PLCB1: variants seen among roughly 807,000 people sequenced by gnomAD.
The protein encoded by PLCB1 is phospholipase C beta 1, also known as 1-phosphatidylinositol 4,5-bisphosphate phosphodiesterase beta-1.
PLCB1 carries 46 observed loss-of-function variants against 161.8 expected under a neutral mutation model. That is an observed-to-expected ratio of 0.28 (90% CI 0.22 to 0.36). The LOEUF (loss-of-function observed/expected upper bound fraction) is 0.36, where lower values mean the gene tolerates loss of function less well. Ranked by LOEUF, PLCB1 falls within the 10% of genes least tolerant of loss-of-function variation. PLCB1 has a pLI of 1.00. For missense variants in PLCB1, 1,016 were observed against 1,472.5 expected, an observed-to-expected ratio of 0.69 and a Z score of 5.07; for synonymous variants, 517 against 503.7, an observed-to-expected ratio of 1.03 and a Z score of -0.35.
intron 9 of PLCB1, among the ~76,000 whole-genome samples, chr20:8,667,158 A>G: frequency 6.6e-6 from 1 of 152,234 alleles, no homozygotes; most frequent in East Asian, 1.9e-4. Context: ...AAAACAGAGG[A>G]AAACTATATG....
chr20:8,180,420 T>C (rs190173205), intron 2 of PLCB1, among the ~76,000 whole-genome samples: 1 of 152,334 alleles, frequency 6.6e-6, no homozygotes, highest in East Asian at 1.9e-4. Context: ...TTTTCCTTTT[T>C]TATTGTGTGT....
At chr20:8,213,520 C>T (rs1003632830) in intron 2 of PLCB1, among the ~76,000 whole-genome samples, 1 of 152,068 alleles carries the variant, frequency 6.6e-6, no homozygotes, top group Non-Finnish European at 1.5e-5. Flanking sequence ...AGTTATAAGG[C>T]CCAGTGGCTG....
intron 31 of PLCB1, among the ~76,000 whole-genome samples, chr20:8,801,388 A>G (rs1446037464): frequency 1.3e-5 from 2 of 152,052 alleles, no homozygotes; most frequent in African/African-American, 4.8e-5. Flanking sequence ...TCTGTTTTTC[A>G]TAGCATTTGT....
chr20:8,515,315 G>A (rs887974412), intron 3 of PLCB1, among the ~76,000 whole-genome samples: 2 of 152,152 alleles, frequency 1.3e-5, no homozygotes, highest in East Asian at 3.8e-4. Flanking sequence ...TTAGCATGAA[G>A]ACACCATTAC....
intron 3 of PLCB1, among the ~76,000 whole-genome samples, chr20:8,508,809 A>T (rs1983753783): frequency 3.9e-5 from 6 of 152,084 alleles, no homozygotes; most frequent in Admixed American, 3.9e-4. Context: ...TATATGAATT[A>T]TATTTTACTA....
At chr20:8,690,275 T>A (rs1990446746) in intron 10 of PLCB1, among the ~76,000 whole-genome samples, 1 of 151,666 alleles carries the variant, frequency 6.6e-6, no homozygotes, top group Admixed American at 6.6e-5. Context: ...GCCAATACAC[T>A]GAGAACAGCA....
At chr20:8,716,666 C>A (rs1279707614) in intron 13 of PLCB1, among the ~76,000 whole-genome samples, 1 of 152,156 alleles carries the variant, frequency 6.6e-6, no homozygotes, top group African/African-American at 2.4e-5. Flanking sequence ...TCCCAGGGAA[C>A]CTCGTCACAC....
At chr20:8,377,328 C>T (rs1987120227) in intron 3 of PLCB1, among the ~76,000 whole-genome samples, 1 of 152,108 alleles carries the variant, frequency 6.6e-6, no homozygotes, top group South Asian at 2.1e-4. Context: ...AAGCATATTT[C>T]AGGAATAGAG....
At chr20:8,822,503 A>G (rs1048100762) in intron 31 of PLCB1, among the ~76,000 whole-genome samples, 2 of 152,142 alleles carry the variant, frequency 1.3e-5, no homozygotes, top group Non-Finnish European at 2.9e-5. Flanking sequence ...GATTCTGGGC[A>G]TTTTTCTTCA....
chr20:8,184,363 A>G (rs541979576), intron 2 of PLCB1, among the ~76,000 whole-genome samples: 11 of 152,214 alleles, frequency 7.2e-5, no homozygotes, highest in Admixed American at 1.3e-4. Context: ...TCTAAAGTTC[A>G]TAAGAAATGA....
At chr20:8,718,391 C>T (rs766123320) in intron 14 of PLCB1, among the ~76,000 whole-genome samples, 1 of 152,170 alleles carries the variant, frequency 6.6e-6, no homozygotes, top group Non-Finnish European at 1.5e-5. Flanking sequence ...CTGGGTTTCA[C>T]TGGGCTACAC....
chr20:8,611,237 C>T (rs1274686159), intron 3 of PLCB1, among the ~76,000 whole-genome samples: 1 of 151,938 alleles, frequency 6.6e-6, no homozygotes. Flanking sequence ...GTTTTGAAGG[C>T]TAAGAAAACA....
At chr20:8,697,476 C>A in intron 10 of PLCB1, 150 bp from the exon 11 acceptor site, 1 of 720,554 alleles carries the variant, frequency 1.4e-6, no homozygotes, top group Non-Finnish European at 2.4e-6. Flanking sequence ...CCATTACCTT[C>A]TGGTATGTTG....
rs1847806843 is a variant in PLCB1, at chr20:8,178,816, T to C, written c.177+28445T>C. Among the ~76,000 whole-genome samples the C allele has an allele frequency of 2.0e-5, 3 of 152,214 alleles. No individual in the cohort carries two copies. The South Asian group carries it at 6.2e-4, about 32-fold the overall frequency. On this transcript the variant is annotated intron_variant, in intron 2 of 31. Coordinates refer to ENST00000338037, the MANE Select transcript of PLCB1 (RefSeq NM_015192.4). ...ATTTGGAGTTTATTTTTGTATATGG[T>C]TTAAAGAAATGGTCCTGTTTCAATC...
chr20:8,536,874 G>C (rs995389590), intron 3 of PLCB1, among the ~76,000 whole-genome samples: 4 of 152,184 alleles, frequency 2.6e-5, no homozygotes, highest in East Asian at 3.9e-4. Context: ...GGAAGGGCTT[G>C]ATGGAAGCCT....
At chr20:8,833,733 A>G (rs1986124294) in intron 31 of PLCB1, among the ~76,000 whole-genome samples, 1 of 152,222 alleles carries the variant, frequency 6.6e-6, no homozygotes, top group Non-Finnish European at 1.5e-5. Context: ...ATACATTTCT[A>G]TTGTTTTAAG....
chr20:8,279,971 C>T (rs972672659), intron 2 of PLCB1, among the ~76,000 whole-genome samples: 2 of 152,112 alleles, frequency 1.3e-5, no homozygotes, highest in African/African-American at 4.8e-5. Context: ...TCTGGGTATT[C>T]ACTTCATAAT....
chr20:8,835,850 T>G (rs1600369866), intron 31 of PLCB1, among the ~76,000 whole-genome samples: 1 of 151,022 alleles, frequency 6.6e-6, no homozygotes, highest in African/African-American at 2.4e-5. Flanking sequence ...ACTTCAAAAC[T>G]TAGTGACTTG....
At chr20:8,408,388 C>T (rs1978880029) in intron 3 of PLCB1, among the ~76,000 whole-genome samples, 1 of 151,006 alleles carries the variant, frequency 6.6e-6, no homozygotes, top group South Asian at 2.1e-4. Context: ...ATAGCCACTG[C>T]ACCACTCCAG....
Sources: allele counts gnomAD v4.1 joint callset (sites outside exome capture counted in the v4.1 genomes callset), GRCh38; gene constraint gnomAD v4.1.1; transcripts MANE v1.5; gene names NCBI Gene and HGNC (gene_info 2026-07-23, HGNC 2026-07-21).